Variants in DHRSX observed in about 807,000 individuals in gnomAD.
The protein encoded by DHRSX is dehydrogenase/reductase X-linked, also known as polyprenol dehydrogenase.
DHRSX carries 31 observed loss-of-function variants against 34.0 expected under a neutral mutation model. The ratio of observed to expected loss-of-function variants is 0.91; its 90% CI spans 0.69 to 1.23. DHRSX has a LOEUF of 1.23. DHRSX is among the 50% of genes most tolerant of loss of function. DHRSX has a pLI of 0.00. For missense variants in DHRSX, 414 were observed against 428.1 expected, an observed-to-expected ratio of 0.97 and a Z score of 0.29; for synonymous variants, 201 against 183.8, an observed-to-expected ratio of 1.09 and a Z score of -0.76.
chrX:2,317,026 C>T (rs190727203), intron 3 of DHRSX, among the ~76,000 whole-genome samples: 1,983 of 152,260 alleles, frequency 0.013, 44 homozygotes, highest in African/African-American at 0.04. Context: ...GGCGCCATCT[C>T]GGCTCACTGC....
intron 5 of DHRSX, among the ~76,000 whole-genome samples, chrX:2,246,665 GAAAGAAAAGAAAGAAAGAAAAAGA>G (rs1408777855): frequency 8.6e-4 from 72 of 83,478 alleles, no homozygotes; most frequent in Non-Finnish European, 1.6e-3. Flanking sequence ...AGAAAGAAAA[GAAAGAAAAGAAAGAAAGAAAAAGA>G]AAAGAAAAGA....
intron 1 of DHRSX, chrX:2,490,740 C>T (rs1215115363): frequency 2.5e-6 from 4 of 1,601,762 alleles, no homozygotes; most frequent in Non-Finnish European, 3.4e-6. Flanking sequence ...CCGGAGCCTG[C>T]CTGCTGGACG....
At chrX:2,346,653 T>TTG (rs71309484) in intron 3 of DHRSX, among the ~76,000 whole-genome samples, 29 of 150,842 alleles carry the variant, frequency 1.9e-4, no homozygotes, top group Admixed American at 5.3e-4. Context: ...TGGTTTTTTT[T>TTG]TTGTTGTTGT....
intron 1 of DHRSX, among the ~76,000 whole-genome samples, chrX:2,476,137 C>T (rs2044674637): frequency 6.6e-6 from 1 of 152,172 alleles, no homozygotes; most frequent in Non-Finnish European, 1.5e-5. Flanking sequence ...CCTGTCATCC[C>T]AGCACTTTCG....
intron 3 of DHRSX, among the ~76,000 whole-genome samples, chrX:2,385,805 G>A (rs755352329): frequency 5.9e-5 from 9 of 152,178 alleles, no homozygotes; most frequent in South Asian, 2.1e-4. Context: ...AGAACCAGCC[G>A]ATGATGCTTC....
At chrX:2,296,451 T>C (rs1444370113) in intron 3 of DHRSX, among the ~76,000 whole-genome samples, 3 of 151,970 alleles carry the variant, frequency 2.0e-5, no homozygotes, top group Non-Finnish European at 2.9e-5. Flanking sequence ...AGGAAATGCA[T>C]AGACCCGAGG....
intron 3 of DHRSX, among the ~76,000 whole-genome samples, chrX:2,406,531 C>T (rs1281371906): frequency 6.6e-6 from 1 of 151,516 alleles, no homozygotes; most frequent in African/African-American, 2.4e-5. Flanking sequence ...ACCTCCAACT[C>T]CCAGGTTCAA....
rs189394213 is a variant in DHRSX, at chrX:2,321,152, G to C, written c.287-29549C>G. Reference sequence around the variant, plus strand: ...CCTAAGTATATCTTCATGCCGAGGGGATGGGAGCATTTATATAAATAAATG... The same window carrying C: ...CCTAAGTATATCTTCATGCCGAGGGCATGGGAGCATTTATATAAATAAATG... On this transcript the variant is annotated intron_variant, in intron 3 of 6. Coordinates refer to ENST00000334651, the MANE Select transcript of DHRSX (RefSeq NM_145177.3). Among the ~76,000 whole-genome samples, 17 of 152,242 alleles carry C rather than the reference G, an allele frequency of 1.1e-4. No individual in the cohort carries two copies. In the East Asian group the frequency reaches 3.3e-3, roughly 29 times the overall value.
chrX:2,434,225 A>G (rs748098495), intron 1 of DHRSX, among the ~76,000 whole-genome samples: 1 of 152,338 alleles, frequency 6.6e-6, no homozygotes, highest in East Asian at 1.9e-4. Context: ...AGCAATTGTG[A>G]GCTTTCATCA....
intron 4 of DHRSX, among the ~76,000 whole-genome samples, chrX:2,272,923 T>A (rs2041576494): frequency 6.6e-6 from 1 of 152,226 alleles, no homozygotes; most frequent in South Asian, 2.1e-4. Context: ...ATTTGTTCGA[T>A]CCAGCAATCC....
chrX:2,243,248 GAAGGTGT>G lies in DHRSX; in HGVS notation c.597-25_597-19del. On this transcript the variant is annotated intron_variant, in intron 5 of 6. Coordinates refer to ENST00000334651, the MANE Select transcript of DHRSX (RefSeq NM_145177.3). Reference sequence around the variant, plus strand: ...AGCAGGCACTGTGGGGCAAGCAGGAGAAGGTGTAAGAGGCTGACGGCGTTCACGCCTA... The same window carrying G: ...AGCAGGCACTGTGGGGCAAGCAGGAGAAGAGGCTGACGGCGTTCACGCCTA... 6.2e-7 allele frequency: 1 copy of G among 1,610,732 alleles called. No homozygotes were observed. The highest frequency in any genetic ancestry group is 1.1e-5 in the South Asian group (1 of 90,970).
chrX:2,389,030 A>G (rs560798973), intron 3 of DHRSX, among the ~76,000 whole-genome samples: 2 of 152,352 alleles, frequency 1.3e-5, no homozygotes, highest in African/African-American at 2.4e-5. Context: ...CTGTGAGAGA[A>G]TAAGTATCTT....
intron 6 of DHRSX, among the ~76,000 whole-genome samples, chrX:2,230,624 C>A (rs770415818): frequency 2.0e-5 from 3 of 152,136 alleles, no homozygotes; most frequent in African/African-American, 7.2e-5. Flanking sequence ...AAGGAGAGGA[C>A]GCTTCACAAT....
chrX:2,485,345 A>G (rs2044861732), intron 1 of DHRSX, among the ~76,000 whole-genome samples: 1 of 151,818 alleles, frequency 6.6e-6, no homozygotes, highest in South Asian at 2.1e-4. Context: ...CAAGAAAGAG[A>G]AATTTCGGCA....
chrX:2,403,121 C>G (rs1188493278), intron 3 of DHRSX, among the ~76,000 whole-genome samples: 3 of 152,060 alleles, frequency 2.0e-5, no homozygotes, highest in African/African-American at 4.8e-5. Context: ...GACCTCAAGT[C>G]ATCCACCTGC....
intron 2 of DHRSX, among the ~76,000 whole-genome samples, chrX:2,413,323 T>C (rs2043654850): frequency 7.0e-6 from 1 of 143,816 alleles, no homozygotes; most frequent in African/African-American, 2.7e-5. Flanking sequence ...AAGAGATCTA[T>C]TGTACTTAAG....
chrX:2,469,567 C>T (rs762550051), intron 1 of DHRSX, among the ~76,000 whole-genome samples: 2 of 151,362 alleles, frequency 1.3e-5, no homozygotes, highest in Admixed American at 6.6e-5. Context: ...GGACCGCCAC[C>T]GTGTATGCAC....
At chrX:2,374,364 C>T (rs2043115501) in intron 3 of DHRSX, among the ~76,000 whole-genome samples, 4 of 151,944 alleles carry the variant, frequency 2.6e-5, no homozygotes, top group Admixed American at 2.6e-4. Context: ...TTTGGGAGGC[C>T]GTGGTGGGAA....
chrX:2,247,360 A>T (rs2016321615), intron 5 of DHRSX, among the ~76,000 whole-genome samples: 1 of 150,712 alleles, frequency 6.6e-6, no homozygotes, highest in Non-Finnish European at 1.5e-5. Flanking sequence ...TGAAACTATA[A>T]AAAAAAAATT....
Sources: gnomAD v4.1 joint callset for allele counts (sites outside exome capture counted in the v4.1 genomes callset) on GRCh38, gnomAD v4.1.1 for gene constraint, MANE v1.5 for transcripts, NCBI Gene and HGNC (gene_info 2026-07-23, HGNC 2026-07-21) for gene names.